TTF1: variants seen among roughly 807,000 people sequenced by gnomAD.
TTF1 encodes transcription termination factor, RNA polymerase I.
TTF1 carries 64 observed loss-of-function variants against 80.2 expected under a neutral mutation model. The observed-to-expected ratio is 0.80, with a 90% CI of 0.65 to 0.98. The LOEUF (loss-of-function observed/expected upper bound fraction) is 0.98, where lower values mean the gene tolerates loss of function less well. Among genes scored for constraint, TTF1 ranks in the 50% least tolerant of loss-of-function variants. The probability of loss-of-function intolerance (pLI) is 0.00; values close to 1 mark genes in which losing one functional copy is unlikely to be tolerated. For missense variants in TTF1, 1,023 were observed against 1,086.2 expected (o/e 0.94, Z 0.82); for synonymous variants, 372 against 382.7 (o/e 0.97, Z 0.33).
At chr9:132,381,833 AC>A (rs980335948) in intron 9 of TTF1, among the ~76,000 whole-genome samples, 1 of 152,078 alleles carries the variant, frequency 6.6e-6, no homozygotes, top group African/African-American at 2.4e-5. Flanking sequence ...ACCAGTTTAA[AC>A]CCTCCCTAAT....
chr9:132,380,315 G>A (rs1247691164), intron 9 of TTF1, among the ~76,000 whole-genome samples: 2 of 152,120 alleles, frequency 1.3e-5, no homozygotes, highest in African/African-American at 2.4e-5. Flanking sequence ...CTGACTTCAG[G>A]TGACCCACCT....
intron 7 of TTF1, among the ~76,000 whole-genome samples, chr9:132,388,786 C>T (rs1292922197): frequency 2.0e-5 from 3 of 152,208 alleles, no homozygotes; most frequent in Non-Finnish European, 4.4e-5. Context: ...TGCAGGCTGA[C>T]TGAAGGTTCT....
chr9:132,399,967 T>A (rs1041887007), intron 3 of TTF1, 68 bp downstream of exon 3: 12 of 1,501,454 alleles, frequency 8.0e-6, no homozygotes, highest in Non-Finnish European at 1.1e-5. Context: ...GAATCATCCA[T>A]AAAAGAAAGT....
Position 132,402,401 on chromosome 9 carries a change from T to C in TTF1, c.421A>G (p.Lys141Glu). 6.2e-7 allele frequency: 1 copy of C among 1,614,234 alleles called. No homozygotes were observed. The highest frequency in any genetic ancestry group is 2.2e-5 in the East Asian group (1 of 44,888). ...GCAAGTACCTGAAATTTGTCTGTTT[T>C]AGGCTTTCTTGGTAACTTCTGTTCT... Reference protein sequence around the residue: ...SIEQKLPRKPKTDKFQVLAKS... With the variant: ...SIEQKLPRKPETDKFQVLAKS... Residue 141 changes from lysine (K) to glutamate (E), a missense_variant, in exon 2 of 11, where the codon AAA becomes GAA. Transcript: ENST00000334270.
Position 132,376,794 on chromosome 9 carries a change from C to G in TTF1, c.2465-626G>C, listed in dbSNP as rs188524690. 2.0e-4 allele frequency among the ~76,000 whole-genome samples: 31 copies of G among 152,038 alleles called. No homozygotes were observed. The East Asian group carries it at 5.2e-3, about 26-fold the overall frequency. ...CTCCCACCTCAGCCTCCCCCTCCCACCTCAGCCTCCCAAGTAGCTGGGAAC... is the reference window on the plus strand; with the variant it reads ...CTCCCACCTCAGCCTCCCCCTCCCAGCTCAGCCTCCCAAGTAGCTGGGAAC... On this transcript the variant is annotated intron_variant, in intron 10 of 10. Coordinates refer to ENST00000334270, the MANE Select transcript of TTF1 (RefSeq NM_007344.4).
intron 10 of TTF1, among the ~76,000 whole-genome samples, chr9:132,378,517 GGGTGTGAGTGCATGT>G (rs1259677794): frequency 2.6e-4 from 23 of 87,718 alleles, no homozygotes; most frequent in Admixed American, 2.1e-4. Flanking sequence ...TGCATGTGGT[GGGTGTGAGTGCATGT>G]GGTGTGAGTG....
At chr9:132,401,315 A>C in intron 2 of TTF1, 140 bp downstream of exon 2, 11 of 800,080 alleles carry the variant, frequency 1.4e-5, no homozygotes, top group South Asian at 6.3e-5. Flanking sequence ...AATAAGAGCA[A>C]ATCTCCACCT....
At chr9:132,399,719 A>G (rs1564189939) in intron 3 of TTF1, among the ~76,000 whole-genome samples, 5 of 152,234 alleles carry the variant, frequency 3.3e-5, no homozygotes, top group Admixed American at 2.6e-4. Context: ...TTAATTTTAT[A>G]TAACTGTTGT....
At chr9:132,391,954 A>G in intron 6 of TTF1, 122 bp downstream of exon 6, 1 of 1,464,794 alleles carries the variant, frequency 6.8e-7, no homozygotes, top group Non-Finnish European at 9.1e-7. Context: ...ACAGCTTAAG[A>G]AACAAAGCTC....
At position 132,377,818 on chromosome 9, in the gene TTF1, TGTG is replaced by T. The variant is rs1197789009; in HGVS notation, c.2464+1238_2464+1240del. Among the ~76,000 whole-genome samples the T allele has an allele frequency of 4.0e-4, 54 of 135,354 alleles. 1 individual carries two copies. Among genetic ancestry groups the T allele is most frequent in the African/African-American group, 1.2e-3 (42 of 34,234 alleles). 88.8% of individuals were successfully genotyped at this position (135,354 alleles called of 152,430 possible). A position where few individuals can be genotyped will look rare whatever the true frequency, so the allele number is the denominator to read the frequency against. On this transcript the variant is annotated intron_variant, in intron 10 of 10. Coordinates refer to ENST00000334270, the MANE Select transcript of TTF1 (RefSeq NM_007344.4). ...TGTGTGTGCATGTGGTGTGAGTGCA[TGTG>T]GTGTGTGTGAATGCATGTGGTGTGT... is the stretch of plus-strand genomic sequence containing the variant.
Position 132,400,099 on chromosome 9 carries a change from G to A in TTF1, c.1527C>T (p.Ala509=), listed in dbSNP as rs1849732978. The change falls in exon 3 of 11, where the codon GCC becomes GCT. Residue 509 remains alanine, a synonymous_variant. Coordinates refer to ENST00000334270, the MANE Select transcript of TTF1 (RefSeq NM_007344.4). ...QEFIPNIKDR[A]TSTIKRMYRD... ...GGTACATCCGCTTGATTGTGCTGGT[G>A]GCCCTGTCCTTGATGTTAGGAATGA... The A allele has an allele frequency of 6.2e-7, 1 of 1,614,022 alleles. No homozygotes were observed. The highest frequency in any genetic ancestry group is 1.3e-5 in the African/African-American group (1 of 74,898).
chr9:132,395,591 T>C (rs562543152), intron 5 of TTF1, among the ~76,000 whole-genome samples: 1 of 152,350 alleles, frequency 6.6e-6, no homozygotes, highest in African/African-American at 2.4e-5. Flanking sequence ...AGTCTGTGTG[T>C]GAACTTTCCT....
chr9:132,377,847 G>A (rs1849252012), intron 10 of TTF1, among the ~76,000 whole-genome samples: 3 of 145,158 alleles, frequency 2.1e-5, no homozygotes, highest in South Asian at 2.2e-4. Context: ...TGTGGTGTGT[G>A]TGAATGCATG....
At chr9:132,392,375 TATCA>T (rs1166128363) in intron 5 of TTF1, among the ~76,000 whole-genome samples, 169 bp from the exon 6 acceptor site, 1 of 152,198 alleles carries the variant, frequency 6.6e-6, no homozygotes, top group African/African-American at 2.4e-5. Context: ...GTGGTCATCC[TATCA>T]ATCAATCACT....
intron 1 of TTF1, among the ~76,000 whole-genome samples, chr9:132,403,810 T>C (rs954317443): frequency 6.6e-6 from 1 of 152,210 alleles, no homozygotes; most frequent in African/African-American, 2.4e-5. Flanking sequence ...GCAGTGGGGA[T>C]ATCAGGTATC....
rs550039676 is a variant in TTF1, at chr9:132,388,614, TAC to T, written c.2223-388_2223-387del. Among the ~76,000 whole-genome samples the T allele has an allele frequency of 3.3e-5, 5 of 152,024 alleles. No homozygotes were observed. In the East Asian group the frequency reaches 7.7e-4, roughly 23 times the overall value. ...CCTAGGCCTCCCAAAGTGCTGGGAT[TAC>T]AGACATGAGCCACAGTACCTGGACC... On this transcript the variant is annotated intron_variant, in intron 7 of 10. Coordinates refer to ENST00000334270, the MANE Select transcript of TTF1 (RefSeq NM_007344.4).
intron 1 of TTF1, 140 bp from the exon 2 acceptor site, chr9:132,402,968 G>C: frequency 3.7e-6 from 3 of 815,650 alleles, no homozygotes; most frequent in Non-Finnish European, 5.5e-6. Context: ...CCATTTTCCC[G>C]CCTCAGCCTC....
rs12347290 is a variant in TTF1 at position 132,379,190 on chromosome 9, T to C, written c.2379-46A>G. 1.8e-3 allele frequency: 2,581 copies of C among 1,442,562 alleles called. 51 individuals are homozygous for C. In the African/African-American group the frequency reaches 0.033, roughly 18 times the overall value. The allele number at this position is 1,442,562 out of a possible 1,614,324, so 89.4% of individuals were successfully genotyped here. A position where few individuals can be genotyped will look rare whatever the true frequency, so the allele number is the denominator to read the frequency against. On this transcript the variant is annotated intron_variant, in intron 9 of 10. Coordinates refer to ENST00000334270, the MANE Select transcript of TTF1 (RefSeq NM_007344.4). ...GATAAAAAGCAAGTTAGTTTAAAAA[T>C]CTATCATTTCAATACAGTGTAGTAA... is the stretch of plus-strand genomic sequence containing the variant.
intron 1 of TTF1, among the ~76,000 whole-genome samples, chr9:132,403,693 G>C (rs1032178760): frequency 3.3e-5 from 5 of 151,894 alleles, no homozygotes; most frequent in African/African-American, 1.2e-4. Flanking sequence ...AAAGAAAAAA[G>C]AAAACAAGGA....
Sources: gnomAD v4.1 joint callset for allele counts (sites outside exome capture counted in the v4.1 genomes callset) on GRCh38, gnomAD v4.1.1 for gene constraint, MANE v1.5 for transcripts, NCBI Gene and HGNC (gene_info 2026-07-23, HGNC 2026-07-21) for gene names.